PDE8A: variants seen among roughly 807,000 people sequenced by gnomAD.
The protein encoded by PDE8A is phosphodiesterase 8A, also known as high affinity cAMP-specific and IBMX-insensitive 3',5'-cyclic phosphodiesterase 8A.
In PDE8A, 59 loss-of-function variants were observed where a neutral mutation model predicts 105.0. That is an observed-to-expected ratio of 0.56 (90% confidence interval 0.46 to 0.70). The LOEUF (loss-of-function observed/expected upper bound fraction) is 0.70, where lower values mean the gene tolerates loss of function less well. Among genes scored for constraint, PDE8A ranks in the 30% least tolerant of loss-of-function variants. The pLI is 0.00. For synonymous variants in PDE8A, 355 were observed against 371.9 expected, an observed-to-expected ratio of 0.95 and a Z score of 0.52; for missense variants, 1,014 against 1,045.9, an observed-to-expected ratio of 0.97 and a Z score of 0.42.
chr15:85,083,309 CTTT>C (rs3835084), intron 5 of PDE8A, among the ~76,000 whole-genome samples: 32 of 149,160 alleles, frequency 2.1e-4, no homozygotes, highest in African/African-American at 3.7e-4. Flanking sequence ...AAAGAAAAGC[CTTT>C]TTTTTTTTTA....
intron 1 of PDE8A, among the ~76,000 whole-genome samples, chr15:85,045,425 A>G (rs1205152453): frequency 1.3e-5 from 2 of 152,226 alleles, no homozygotes; most frequent in African/African-American, 2.4e-5. Flanking sequence ...AAATTCAGAC[A>G]GAACTGGGTC....
At chr15:85,122,985 A>G in intron 18 of PDE8A, 76 bp from the exon 19 acceptor site, 1 of 1,459,242 alleles carries the variant, frequency 6.9e-7, no homozygotes. Flanking sequence ...TACCTGGATA[A>G]CAGATTGTTT....
chr15:85,079,617 A>C (rs910667031), intron 5 of PDE8A, among the ~76,000 whole-genome samples: 18 of 152,218 alleles, frequency 1.2e-4, no homozygotes, highest in African/African-American at 4.3e-4. Flanking sequence ...AGTCAGATAG[A>C]AAGAATAGAA....
chr15:85,093,049 C>T (rs1430480959), intron 8 of PDE8A, among the ~76,000 whole-genome samples: 3 of 151,856 alleles, frequency 2.0e-5, no homozygotes, highest in South Asian at 2.1e-4. Flanking sequence ...GCTGGGACCA[C>T]GGGCACATGC....
chr15:85,136,406 G>A (rs1419441437), intron 20 of PDE8A, 128 bp from the exon 21 acceptor site: 1 of 866,568 alleles, frequency 1.2e-6, no homozygotes, highest in Non-Finnish European at 1.8e-6. Context: ...GCGTGAGGTG[G>A]TGATTGGCTT....
chr15:85,011,499 T>C (rs2080238555), intron 1 of PDE8A, among the ~76,000 whole-genome samples: 1 of 152,196 alleles, frequency 6.6e-6, no homozygotes, highest in Non-Finnish European at 1.5e-5. Context: ...TGTAAAATGG[T>C]CTGTCAATGT....
At chr15:85,080,660 T>C (rs1218477242) in intron 5 of PDE8A, among the ~76,000 whole-genome samples, 1 of 152,200 alleles carries the variant, frequency 6.6e-6, no homozygotes, top group African/African-American at 2.4e-5. Context: ...AGCATAGTTC[T>C]GTGGACCAGA....
chr15:85,113,175 T>C (rs1275982269), intron 12 of PDE8A, among the ~76,000 whole-genome samples: 1 of 152,190 alleles, frequency 6.6e-6, no homozygotes, highest in East Asian at 1.9e-4. Context: ...CATGGGGGCA[T>C]ATGTGCATTC....
At chr15:85,001,221 C>T (rs183859466) in intron 1 of PDE8A, among the ~76,000 whole-genome samples, 3 of 152,108 alleles carry the variant, frequency 2.0e-5, no homozygotes, top group Admixed American at 6.5e-5. Context: ...GCCAATGCTC[C>T]GCAAGAATTT....
chr15:85,034,655 T>C (rs2080673166), intron 1 of PDE8A, among the ~76,000 whole-genome samples: 1 of 152,218 alleles, frequency 6.6e-6, no homozygotes. Flanking sequence ...AGAGTTAATA[T>C]AACTGACTAA....
At chr15:85,042,472 AACAGT>A (rs2080825603) in intron 1 of PDE8A, among the ~76,000 whole-genome samples, 1 of 152,182 alleles carries the variant, frequency 6.6e-6, no homozygotes. Context: ...AGATGGTTTT[AACAGT>A]ACAGCCTCAG....
At chr15:85,054,799 T>C (rs2081034592) in intron 1 of PDE8A, among the ~76,000 whole-genome samples, 1 of 152,234 alleles carries the variant, frequency 6.6e-6, no homozygotes, top group Non-Finnish European at 1.5e-5. Flanking sequence ...GTTTTTTGTG[T>C]CGCTATCTCC....
At chr15:85,088,072 G>A (rs2081582930) in intron 6 of PDE8A, among the ~76,000 whole-genome samples, 1 of 152,188 alleles carries the variant, frequency 6.6e-6, no homozygotes, top group Admixed American at 6.5e-5. Context: ...AGGCTGTAGT[G>A]CAGTGATGCA....
chr15:85,067,033 A>G lies in PDE8A; in HGVS notation c.263A>G (p.Lys88Arg), dbSNP rs776215809. The change falls in exon 3 of 22, where the codon AAA becomes AGA. Residue 88 changes from lysine (K) to arginine (R), a missense_variant. Transcript: ENST00000394553. ...DQLQVLLVFT[K>R]EDNQCNGFCR... is the part of the protein sequence containing the mutation. ...ATTCAGGTACTTTTAGTGTTTACCA[A>G]AGAAGATAACCAATGTAATGGATTC... The G allele has an allele frequency of 1.2e-5, 20 of 1,605,414 alleles. 1 individual carries two copies. In the East Asian group the frequency reaches 4.5e-4, roughly 36 times the overall value.
intron 1 of PDE8A, among the ~76,000 whole-genome samples, chr15:85,005,551 T>TCC (rs1321635468): frequency 6.6e-6 from 1 of 152,160 alleles, no homozygotes; most frequent in African/African-American, 2.4e-5. Context: ...AAAAGAACAT[T>TCC]TTGAGAGAAT....
At chr15:85,008,971 C>A (rs1459719198) in intron 1 of PDE8A, among the ~76,000 whole-genome samples, 4 of 152,136 alleles carry the variant, frequency 2.6e-5, no homozygotes, top group African/African-American at 9.7e-5. Context: ...TTCAGGGCTC[C>A]TGTTCTGACA....
chr15:85,056,827 C>G (rs1207634642), intron 1 of PDE8A, among the ~76,000 whole-genome samples: 1 of 152,230 alleles, frequency 6.6e-6, no homozygotes, highest in African/African-American at 2.4e-5. Flanking sequence ...TCGTCAAAGT[C>G]ATTCTCCGTC....
At chr15:85,060,626 A>G (rs1404780150) in intron 1 of PDE8A, among the ~76,000 whole-genome samples, 8 of 152,222 alleles carry the variant, frequency 5.3e-5, no homozygotes, top group African/African-American at 1.4e-4. Flanking sequence ...TTCCCTGCAG[A>G]TAACAAGGGA....
At chr15:85,022,696 A>C (rs1167060713) in intron 1 of PDE8A, among the ~76,000 whole-genome samples, 1 of 150,932 alleles carries the variant, frequency 6.6e-6, no homozygotes, top group African/African-American at 2.4e-5. Context: ...TTACAGGTGC[A>C]TGCCACCACA....
Sources: allele counts gnomAD v4.1 joint callset (sites outside exome capture counted in the v4.1 genomes callset), GRCh38; gene constraint gnomAD v4.1.1; transcripts MANE v1.5; gene names NCBI Gene and HGNC (gene_info 2026-07-23, HGNC 2026-07-21).